DCDC1: variants seen among roughly 807,000 people sequenced by gnomAD.
DCDC1 encodes doublecortin domain containing 1, also known as doublecortin domain-containing protein 1.
A neutral mutation model predicts 178.3 loss-of-function variants in DCDC1; 200 were observed. That is an observed-to-expected ratio of 1.12 (90% CI 1.00 to 1.26). DCDC1 has a LOEUF of 1.26. Ranked by LOEUF, DCDC1 falls within the 50% of genes most tolerant of loss-of-function variation. The pLI is 0.00. For synonymous variants in DCDC1, 690 were observed against 604.8 expected, an observed-to-expected ratio of 1.14 and a Z score of -2.07; for missense variants, 1,983 against 1,749.2, an observed-to-expected ratio of 1.13 and a Z score of -2.38.
At chr11:31,263,401 C>T (rs950838074) in intron 8 of DCDC1, among the ~76,000 whole-genome samples, 7 of 151,948 alleles carry the variant, frequency 4.6e-5, no homozygotes, top group Admixed American at 1.3e-4. Context: ...CTCTTATTAA[C>T]CCCAAAGAAC....
chr11:31,049,863 C>T (rs1301299713), intron 20 of DCDC1, among the ~76,000 whole-genome samples: 1 of 152,284 alleles, frequency 6.6e-6, no homozygotes, highest in South Asian at 2.1e-4. Flanking sequence ...AGCTTGCTGG[C>T]TCCCCAAGCA....
intron 6 of DCDC1, among the ~76,000 whole-genome samples, chr11:31,295,725 C>G (rs1343658886): frequency 6.6e-6 from 1 of 152,150 alleles, no homozygotes; most frequent in Non-Finnish European, 1.5e-5. Flanking sequence ...TTACATGGTT[C>G]AACTGAGAGT....
intron 9 of DCDC1, among the ~76,000 whole-genome samples, chr11:31,237,041 T>C (rs1272450326): frequency 6.6e-6 from 1 of 151,926 alleles, no homozygotes; most frequent in Non-Finnish European, 1.5e-5. Context: ...CTAAGATTCC[T>C]TTTAAAATAC....
chr11:31,096,935 G>A (rs181691345), intron 15 of DCDC1, among the ~76,000 whole-genome samples: 448 of 152,294 alleles, frequency 2.9e-3, no homozygotes, highest in Middle Eastern at 0.017. Context: ...GTGTGTGCGC[G>A]CGCCCGTGTA....
intron 10 of DCDC1, among the ~76,000 whole-genome samples, chr11:31,137,056 A>G (rs1384817818): frequency 6.6e-6 from 1 of 152,176 alleles, no homozygotes; most frequent in Non-Finnish European, 1.5e-5. Flanking sequence ...AAAAATTCAA[A>G]AAATTTTTGT....
chr11:31,361,692 G>A (rs185485201), intron 1 of DCDC1, among the ~76,000 whole-genome samples: 6 of 152,252 alleles, frequency 3.9e-5, no homozygotes, highest in African/African-American at 9.6e-5. Flanking sequence ...TGTTGGCCAG[G>A]CTGGTCTCAA....
In DCDC1 at chr11:30,989,990, C is replaced by G. The variant is rs75184877; in HGVS notation, c.2592-37422G>C. ...TGTGTGCATACGTGAGCCCAAAACA[C>G]TTAGACTGGAAAGGTGAAGGATGGT... On this transcript the variant is annotated intron_variant, in intron 20 of 38. Transcript: ENST00000684477. Among the ~76,000 whole-genome samples, 124 of 152,164 alleles carry G rather than the reference C, an allele frequency of 8.1e-4. 3 individuals carry two copies. The East Asian group carries it at 0.021, about 26-fold the overall frequency.
At chr11:30,873,352 T>TAGAGAGAGAGAGAG (rs1442061305) in intron 38 of DCDC1, among the ~76,000 whole-genome samples, 1 of 141,334 alleles carries the variant, frequency 7.1e-6, no homozygotes, top group African/African-American at 2.8e-5. Flanking sequence ...TACATATATA[T>TAGAGAGAGAGAGAG]ATATATATAT....
In DCDC1 at chr11:30,978,828, C is replaced by T. The variant is rs437733; in HGVS notation, c.2592-26260G>A. Among the ~76,000 whole-genome samples, 8 of 127,156 alleles carry T rather than the reference C, an allele frequency of 6.3e-5. 2 individuals carry two copies. The highest frequency in any genetic ancestry group is 6.1e-4 in the Admixed American group (8 of 13,016). The allele number at this position is 127,156 out of a possible 152,430, so 83.4% of individuals were successfully genotyped here. A position where few individuals can be genotyped will look rare whatever the true frequency, so the allele number is the denominator to read the frequency against. Reference sequence around the variant, plus strand: ...CACACACACACACACACACACACACCCCCTTCTCAGCCTCTGGTATCTATC... The same window carrying T: ...CACACACACACACACACACACACACTCCCTTCTCAGCCTCTGGTATCTATC... On this transcript the variant is annotated intron_variant, in intron 20 of 38. Coordinates refer to ENST00000684477, the MANE Select transcript of DCDC1 (RefSeq NM_001387274.1).
chr11:31,156,684 T>C (rs1348038739), intron 9 of DCDC1, among the ~76,000 whole-genome samples: 1 of 152,268 alleles, frequency 6.6e-6, no homozygotes, highest in East Asian at 1.9e-4. Context: ...ATGTCAAGCA[T>C]AGCCCAGGGA....
chr11:31,364,239 C>T (rs1951845574), intron 1 of DCDC1, among the ~76,000 whole-genome samples: 1 of 152,144 alleles, frequency 6.6e-6, no homozygotes, highest in Non-Finnish European at 1.5e-5. Flanking sequence ...AATCCCATCA[C>T]ATGTCAAGGA....
chr11:30,998,590 C>T (rs560720802), intron 20 of DCDC1, among the ~76,000 whole-genome samples: 65 of 152,224 alleles, frequency 4.3e-4, no homozygotes, highest in South Asian at 2.3e-3. Flanking sequence ...TAACAAATCA[C>T]CATTAGAACA....
At chr11:31,160,943 C>T (rs1055763878) in intron 9 of DCDC1, among the ~76,000 whole-genome samples, 13 of 152,152 alleles carry the variant, frequency 8.5e-5, no homozygotes, top group Non-Finnish European at 1.5e-4. Flanking sequence ...GTAAAGAGTA[C>T]AGGCACCATC....
chr11:31,080,637 A>G (rs191345617), intron 17 of DCDC1, among the ~76,000 whole-genome samples: 74 of 152,312 alleles, frequency 4.9e-4, no homozygotes, highest in African/African-American at 1.8e-3. Context: ...CAATATTGCT[A>G]GTCTTTAAAG....
intron 3 of DCDC1, among the ~76,000 whole-genome samples, chr11:31,311,645 A>G (rs570429492): frequency 6.6e-6 from 1 of 152,294 alleles, no homozygotes; most frequent in South Asian, 2.1e-4. Flanking sequence ...TGTTGGCCCA[A>G]AGAGATGTGG....
chr11:31,047,242 C>T lies in DCDC1; in HGVS notation c.2591+17227G>A, dbSNP rs541054638. ...ATTACATTATACAAATTAAGGTTCA[C>T]ACTGAAGGATGATAATGTAGTCATA... On this transcript the variant is annotated intron_variant, in intron 20 of 38. Transcript: ENST00000684477. Among the ~76,000 whole-genome samples the T allele has an allele frequency of 4.6e-5, 7 of 152,186 alleles. 1 individual carries two copies. In the South Asian group the frequency reaches 1.4e-3, roughly 32 times the overall value.
At chr11:31,097,154 A>C (rs928440715) in intron 15 of DCDC1, among the ~76,000 whole-genome samples, 3 of 152,264 alleles carry the variant, frequency 2.0e-5, no homozygotes, top group African/African-American at 7.2e-5. Context: ...ATGTAGAAGC[A>C]GTCAATGATA....
At chr11:30,914,903 T>C (rs1374325766) in intron 27 of DCDC1, among the ~76,000 whole-genome samples, 1 of 152,198 alleles carries the variant, frequency 6.6e-6, no homozygotes, top group East Asian at 1.9e-4. Flanking sequence ...ACTTCCTTAA[T>C]GTCATCAGAT....
At chr11:30,890,952 C>G (rs1943719823) in intron 36 of DCDC1, among the ~76,000 whole-genome samples, 1 of 152,072 alleles carries the variant, frequency 6.6e-6, no homozygotes, top group Non-Finnish European at 1.5e-5. Context: ...AATAAATATT[C>G]TTAATAAATA....
Sources: allele counts gnomAD v4.1 joint callset (sites outside exome capture counted in the v4.1 genomes callset), GRCh38; gene constraint gnomAD v4.1.1; transcripts MANE v1.5; gene names NCBI Gene and HGNC (gene_info 2026-07-23, HGNC 2026-07-21).